Variants in FAR2 observed in about 807,000 individuals in gnomAD.
The protein encoded by FAR2 is epididymis secretory protein Li 81.
In FAR2, 19 loss-of-function variants were observed where a neutral mutation model predicts 56.0. That is an observed-to-expected ratio of 0.34 (90% CI 0.24 to 0.50). The LOEUF (loss-of-function observed/expected upper bound fraction) is 0.50, where lower values mean the gene tolerates loss of function less well. FAR2 is among the 20% of genes least tolerant of loss of function. The pLI is 0.98. For synonymous variants in FAR2, 219 were observed against 218.8 expected (o/e 1.00, Z -0.01); for missense variants, 508 against 642.2 (o/e 0.79, Z 2.26).
intron 1 of FAR2, among the ~76,000 whole-genome samples, chr12:29,182,207 A>T (rs1949998734): frequency 6.6e-6 from 1 of 152,176 alleles, no homozygotes; most frequent in Admixed American, 6.5e-5. Context: ...CCAAAGAGTG[A>T]GCAGCAGCAA....
intron 1 of FAR2, among the ~76,000 whole-genome samples, chr12:29,258,801 G>A (rs149749017): frequency 6.6e-6 from 1 of 152,306 alleles, no homozygotes; most frequent in East Asian, 1.9e-4. Context: ...GTCCATAATA[G>A]ATTTGGTTGA....
At chr12:29,198,289 C>G (rs1950158021) in intron 1 of FAR2, among the ~76,000 whole-genome samples, 1 of 152,116 alleles carries the variant, frequency 6.6e-6, no homozygotes, top group African/African-American at 2.4e-5. Flanking sequence ...TGCAGCCGGG[C>G]ATGATCTCTG....
intron 1 of FAR2, among the ~76,000 whole-genome samples, chr12:29,265,791 A>G (rs189178698): frequency 1.3e-5 from 2 of 152,310 alleles, no homozygotes; most frequent in East Asian, 1.9e-4. Flanking sequence ...GAACCAGAAT[A>G]TATAAGGAAC....
intron 1 of FAR2, among the ~76,000 whole-genome samples, chr12:29,265,025 G>A (rs2136698964): frequency 6.6e-6 from 1 of 152,184 alleles, no homozygotes; most frequent in East Asian, 1.9e-4. Flanking sequence ...AAATTGACAA[G>A]AACACACACA....
At chr12:29,312,113 A>T (rs548413350) in intron 8 of FAR2, among the ~76,000 whole-genome samples, 163 bp downstream of exon 8, 2 of 152,306 alleles carry the variant, frequency 1.3e-5, no homozygotes, top group South Asian at 4.1e-4. Context: ...GTTAACTAGA[A>T]TGTACTGTGG....
At chr12:29,319,751 T>C (rs992392427) in intron 9 of FAR2, among the ~76,000 whole-genome samples, 4 of 152,232 alleles carry the variant, frequency 2.6e-5, no homozygotes, top group African/African-American at 9.6e-5. Flanking sequence ...CTTCCTATTC[T>C]GTAAAATGGG....
intron 2 of FAR2, among the ~76,000 whole-genome samples, chr12:29,291,783 AT>A (rs1371412057): frequency 6.6e-6 from 1 of 152,196 alleles, no homozygotes; most frequent in African/African-American, 2.4e-5. Context: ...AAAGAGTATT[AT>A]TTTAGAAGCT....
At chr12:29,270,714 T>A in intron 2 of FAR2, 76 bp downstream of exon 2, 1 of 1,307,868 alleles carries the variant, frequency 7.6e-7, no homozygotes, top group Non-Finnish European at 1.0e-6. Flanking sequence ...TCTCTTATAG[T>A]CTCATATTGC....
chr12:29,181,721 G>GC (rs1949993849), intron 1 of FAR2, among the ~76,000 whole-genome samples: 1 of 152,194 alleles, frequency 6.6e-6, no homozygotes, highest in African/African-American at 2.4e-5. Context: ...ATACCCTTCT[G>GC]CCTTTCAGGC....
At chr12:29,200,621 T>C (rs1947395779) in intron 1 of FAR2, among the ~76,000 whole-genome samples, 1 of 152,116 alleles carries the variant, frequency 6.6e-6, no homozygotes, top group African/African-American at 2.4e-5. Flanking sequence ...GCTGAGAAGT[T>C]TGCATAACTT....
chr12:29,327,308 C>G (rs1174579050), intron 10 of FAR2, among the ~76,000 whole-genome samples: 3 of 152,106 alleles, frequency 2.0e-5, no homozygotes, highest in Non-Finnish European at 2.9e-5. Context: ...GAATCAATAT[C>G]GTGAAAATGG....
Position 29,150,522 on chromosome 12 carries a change from G to T in FAR2, c.-39+1115G>T, listed in dbSNP as rs569898843. Among the ~76,000 whole-genome samples, 31 of 152,192 alleles carry T rather than the reference G, an allele frequency of 2.0e-4. 1 individual carries two copies. Among genetic ancestry groups the T allele is most frequent in the Non-Finnish European group, 7.3e-5 (5 of 68,040 alleles). ...CCCGTGGTTTCAATTACCCATCTCT[G>T]TATATTCCCATTTATAAGAGCTGGA... On this transcript the variant is annotated intron_variant, in intron 1 of 11. Coordinates refer to ENST00000536681, the MANE Select transcript of FAR2 (RefSeq NM_001271783.2).
intron 1 of FAR2, among the ~76,000 whole-genome samples, chr12:29,184,883 C>T (rs1433386100): frequency 6.6e-6 from 1 of 152,152 alleles, no homozygotes; most frequent in African/African-American, 2.4e-5. Flanking sequence ...GTTGAATTCT[C>T]AGTAGGAATA....
At position 29,333,978 on chromosome 12, in the gene FAR2, T is replaced by G. The variant is rs1453103970; in HGVS notation, c.*184T>G. The G allele has an allele frequency of 2.0e-6, 1 of 505,670 alleles. No individual in the cohort carries two copies. Among genetic ancestry groups the G allele is most frequent in the East Asian group, 3.3e-5 (1 of 30,640 alleles). The allele number at this position is 505,670 out of a possible 1,614,324, so 31.3% of individuals were successfully genotyped here. Reference sequence around the variant, plus strand: ...CAGTGAGAGAAGGAAAGTTGTAAACTAGCCCATAGTCACCTATATTTTAGG... The same window carrying G: ...CAGTGAGAGAAGGAAAGTTGTAAACGAGCCCATAGTCACCTATATTTTAGG... On this transcript the variant is annotated 3_prime_UTR_variant, in exon 12 of 12. Coordinates refer to ENST00000536681, the MANE Select transcript of FAR2 (RefSeq NM_001271783.2).
chr12:29,184,560 G>A (rs1045362557), intron 1 of FAR2, among the ~76,000 whole-genome samples: 20 of 148,230 alleles, frequency 1.3e-4, no homozygotes, highest in Admixed American at 1.3e-3. Context: ...TCAACCTCCC[G>A]AGTAGCTGGG....
chr12:29,321,529 T>G (rs2136811984), intron 9 of FAR2, among the ~76,000 whole-genome samples: 1 of 152,276 alleles, frequency 6.6e-6, no homozygotes, highest in Middle Eastern at 3.4e-3. Flanking sequence ...TTAAAATAGG[T>G]TTGCTATTCT....
At chr12:29,220,690 G>A (rs980795917) in intron 1 of FAR2, among the ~76,000 whole-genome samples, 3 of 152,092 alleles carry the variant, frequency 2.0e-5, no homozygotes, top group African/African-American at 7.2e-5. Flanking sequence ...TGTTACCAGT[G>A]GGATATCCAT....
At chr12:29,279,705 AG>A (rs1408757664) in intron 2 of FAR2, among the ~76,000 whole-genome samples, 48 of 152,114 alleles carry the variant, frequency 3.2e-4, no homozygotes. Flanking sequence ...CTGTACTGGG[AG>A]GTAGCATAAG....
chr12:29,298,973 G>C (rs1032974251), intron 4 of FAR2, among the ~76,000 whole-genome samples: 5 of 152,222 alleles, frequency 3.3e-5, no homozygotes, highest in Middle Eastern at 3.4e-3. Flanking sequence ...CAGCACTTTG[G>C]GAGGCCGAGG....
Sources: gnomAD v4.1 joint callset for allele counts (sites outside exome capture counted in the v4.1 genomes callset) on GRCh38, gnomAD v4.1.1 for gene constraint, MANE v1.5 for transcripts, NCBI Gene and HGNC (gene_info 2026-07-23, HGNC 2026-07-21) for gene names.